LBP: variants seen among roughly 807,000 people sequenced by gnomAD.
LBP encodes lipopolysaccharide binding protein.
A neutral mutation model predicts 56.6 loss-of-function variants in LBP; 53 were observed. The observed-to-expected ratio is 0.94, with a 90% CI of 0.75 to 1.18. The LOEUF (loss-of-function observed/expected upper bound fraction) is 1.18. Ranked by LOEUF, LBP falls within the 50% of genes most tolerant of loss-of-function variation. The pLI, the probability that LBP is intolerant of heterozygous loss-of-function variation, is 0.00. For missense variants in LBP, 601 were observed against 598.3 expected (o/e 1.00, Z -0.05); for synonymous variants, 227 against 247.5 (o/e 0.92, Z 0.78).
intron 14 of LBP, 57 bp downstream of exon 14, chr20:38,374,070 T>G: frequency 2.6e-5 from 39 of 1,505,568 alleles, no homozygotes; most frequent in Non-Finnish European, 3.3e-5. Context: ...GTTTGCATGC[T>G]AGCTTTGGGG....
At chr20:38,351,447 G>A (rs1041229898) in intron 3 of LBP, among the ~76,000 whole-genome samples, 2 of 152,078 alleles carry the variant, frequency 1.3e-5, no homozygotes, top group Non-Finnish European at 2.9e-5. Context: ...GCTTGCCATT[G>A]GCCAAGGGCT....
intron 5 of LBP, among the ~76,000 whole-genome samples, chr20:38,360,153 G>A (rs543800423): frequency 6.6e-6 from 1 of 151,960 alleles, no homozygotes; most frequent in African/African-American, 2.4e-5. Flanking sequence ...TTGGGAGGCT[G>A]AGGCAGGAGA....
chr20:38,348,445 T>C (rs932250137), intron 1 of LBP, among the ~76,000 whole-genome samples: 11 of 152,126 alleles, frequency 7.2e-5, no homozygotes, highest in African/African-American at 2.4e-4. Flanking sequence ...CCCGAGTAGC[T>C]GGGATTACAG....
chr20:38,358,442 C>T (rs2076848803), intron 5 of LBP, among the ~76,000 whole-genome samples: 1 of 152,142 alleles, frequency 6.6e-6, no homozygotes, highest in Admixed American at 6.5e-5. Flanking sequence ...CATCCAGGCT[C>T]CAGGCTTTTG....
chr20:38,351,010 G>A (rs1331423352), intron 3 of LBP, 71 bp downstream of exon 3: 3 of 1,567,178 alleles, frequency 1.9e-6, no homozygotes, highest in Admixed American at 3.4e-5. Context: ...TTAGGTCCAA[G>A]GTGTTCCTAG....
chr20:38,365,499 C>G (rs1455995456), intron 8 of LBP, among the ~76,000 whole-genome samples: 2 of 151,482 alleles, frequency 1.3e-5, no homozygotes, highest in African/African-American at 4.8e-5. Context: ...GAGTTCAAGA[C>G]CAGCCTGGTC....
intron 5 of LBP, among the ~76,000 whole-genome samples, chr20:38,357,140 C>A (rs550686981): frequency 2.0e-5 from 3 of 152,324 alleles, no homozygotes; most frequent in Non-Finnish European, 4.4e-5. Flanking sequence ...CAGGCGTAAG[C>A]CACCACACCC....
intron 6 of LBP, among the ~76,000 whole-genome samples, chr20:38,361,826 CG>C (rs1177660687): frequency 6.6e-6 from 1 of 152,030 alleles, no homozygotes; most frequent in Non-Finnish European, 1.5e-5. Context: ...AAACAGAACA[CG>C]GCTGGTTTTT....
chr20:38,370,296 A>G (rs6025241), intron 10 of LBP, among the ~76,000 whole-genome samples: 24,854 of 151,970 alleles, frequency 0.16, 2,840 homozygotes, highest in African/African-American at 0.33. Context: ...GGATCGCTTG[A>G]GCCCAGGAGA....
In LBP at chr20:38,360,747, C is replaced by T. The variant is rs1771756711; in HGVS notation, c.632C>T (p.Pro211Leu). The change falls in exon 6 of 15, where the codon CCT (proline) becomes CTT (leucine). Residue 211 changes from proline (P) to leucine (L), a missense_variant. Transcript: ENST00000217407. ...IQKSVSSDLQ[P>L]YLQTLPVTTE... ...AAATCAGTGTCCTCCGATCTACAGC[C>T]TTATCTCCAAACTCTGCCAGGTAGG... The T allele has an allele frequency of 6.2e-7, 1 of 1,612,578 alleles. No homozygotes were observed. The highest frequency in any genetic ancestry group is 8.5e-7 in the Non-Finnish European group (1 of 1,178,788).
chr20:38,367,272 G>A (rs1568834365), intron 9 of LBP, among the ~76,000 whole-genome samples: 1 of 151,830 alleles, frequency 6.6e-6, no homozygotes, highest in Admixed American at 6.6e-5. Flanking sequence ...TGGGCAACAT[G>A]ACGAAACCCC....
chr20:38,374,745 C>T (rs1340073302), intron 14 of LBP, among the ~76,000 whole-genome samples: 1 of 150,686 alleles, frequency 6.6e-6, no homozygotes, highest in East Asian at 1.9e-4. Flanking sequence ...ACCTGTTTGG[C>T]ATGCCTCCCC....
chr20:38,368,452 A>G (rs2076890277), intron 9 of LBP, among the ~76,000 whole-genome samples: 1 of 152,066 alleles, frequency 6.6e-6, no homozygotes, highest in Non-Finnish European at 1.5e-5. Context: ...ATACAAAATT[A>G]GCCGGGTGTG....
chr20:38,374,042 T>C lies in LBP; in HGVS notation c.1401+29T>C, dbSNP rs73287288. On this transcript the variant is annotated intron_variant, in intron 14 of 14. Coordinates refer to ENST00000217407, the MANE Select transcript of LBP (RefSeq NM_004139.5). ...GGTGGGTTCAGGGGGGCTCTGAGGA[T>C]GTGTGAGGGAGGAGGTGGTTTGCAT... 1.0e-3 allele frequency: 1,607 copies of C among 1,604,830 alleles called. 15 individuals carry two copies. In the African/African-American group the frequency reaches 0.02, roughly 19 times the overall value.
Position 38,376,952 on chromosome 20 carries a change from C to G in LBP, c.*283C>G. 4 of 581,794 alleles carry G rather than the reference C, an allele frequency of 6.9e-6. No homozygotes were observed. Among genetic ancestry groups the G allele is most frequent in the Non-Finnish European group, 1.3e-5 (4 of 307,996 alleles). The allele number at this position is 581,794 out of a possible 1,614,324, so 36.0% of individuals were successfully genotyped here. On this transcript the variant is annotated 3_prime_UTR_variant, in exon 15 of 15. Transcript: ENST00000217407. ...TGTATTTTTTTATTCGCCATCTGATCCCCATGCCTAGCAGAGTGCTGGCAC... is the reference window on the plus strand; with the variant it reads ...TGTATTTTTTTATTCGCCATCTGATGCCCATGCCTAGCAGAGTGCTGGCAC...
At chr20:38,350,079 G>A (rs929352014) in intron 2 of LBP, among the ~76,000 whole-genome samples, 4 of 152,176 alleles carry the variant, frequency 2.6e-5, no homozygotes, top group Non-Finnish European at 5.9e-5. Context: ...TCCAGGAGAA[G>A]GTGGCATTTG....
At chr20:38,376,377 A>G (rs751437406) in intron 14 of LBP, among the ~76,000 whole-genome samples, 8 of 152,134 alleles carry the variant, frequency 5.3e-5, no homozygotes, top group Non-Finnish European at 1.0e-4. Flanking sequence ...CGCAAAGGAC[A>G]CTTAGAGGCC....
At chr20:38,360,649 G>A (rs2076856528) in intron 5 of LBP, 55 bp from the exon 6 acceptor site, 6 of 1,253,392 alleles carry the variant, frequency 4.8e-6, no homozygotes, top group South Asian at 1.2e-5. Context: ...GATCAGCACG[G>A]GGCCAGACCA....
intron 1 of LBP, among the ~76,000 whole-genome samples, chr20:38,349,177 G>A (rs2076811767): frequency 6.6e-6 from 1 of 152,172 alleles, no homozygotes; most frequent in African/African-American, 2.4e-5. Flanking sequence ...CAGCTAGAAA[G>A]ATGCCCTCTT....
Sources: gnomAD v4.1 joint callset for allele counts (sites outside exome capture counted in the v4.1 genomes callset) on GRCh38, gnomAD v4.1.1 for gene constraint, MANE v1.5 for transcripts, NCBI Gene and HGNC (gene_info 2026-07-23, HGNC 2026-07-21) for gene names.